The following RALGPS2 variants were observed in gnomAD, a reference collection of about 807,000 sequenced individuals.
RALGPS2 encodes the protein ras-specific guanine nucleotide-releasing factor RalGPS2.
RALGPS2 carries 43 observed loss-of-function variants against 86.8 expected under a neutral mutation model. The observed-to-expected ratio is 0.50, with a 90% CI of 0.39 to 0.64. RALGPS2 has a LOEUF of 0.64. RALGPS2 is among the 30% of genes least tolerant of loss of function. The probability of loss-of-function intolerance (pLI) is 0.00; values close to 1 mark genes in which losing one functional copy is unlikely to be tolerated. For missense variants in RALGPS2, 536 were observed against 694.6 expected (o/e 0.77, Z 2.57); for synonymous variants, 243 against 231.3 (o/e 1.05, Z -0.46).
At chr1:178,765,381 C>G (rs1652452157) in intron 1 of RALGPS2, among the ~76,000 whole-genome samples, 1 of 151,994 alleles carries the variant, frequency 6.6e-6, no homozygotes, top group African/African-American at 2.4e-5. Flanking sequence ...CGTGATGCCC[C>G]CAAAGCCGCA....
intron 8 of RALGPS2, among the ~76,000 whole-genome samples, chr1:178,869,863 A>G (rs1658642048): frequency 6.6e-6 from 1 of 152,048 alleles, no homozygotes; most frequent in Non-Finnish European, 1.5e-5. Context: ...AGTTTTTATA[A>G]TGCATGTAAA....
chr1:178,903,563 C>T (rs528718080), intron 18 of RALGPS2, among the ~76,000 whole-genome samples: 9 of 152,292 alleles, frequency 5.9e-5, no homozygotes, highest in African/African-American at 2.2e-4. Context: ...TTTGCATCCT[C>T]ATAGCTTAGC....
chr1:178,731,277 T>G (rs1361020875), intron 1 of RALGPS2, among the ~76,000 whole-genome samples: 54 of 72,586 alleles, frequency 7.4e-4, no homozygotes, highest in Admixed American at 1.3e-3. Flanking sequence ...TTTTGGTTTT[T>G]TTTTTTTTTT....
chr1:178,851,144 G>A (rs761547359), intron 8 of RALGPS2: 52 of 1,612,986 alleles, frequency 3.2e-5, no homozygotes, highest in Non-Finnish European at 4.3e-5. Context: ...CAATAGGCTT[G>A]ATCATCATCT....
chr1:178,802,890 C>T (rs758732497), intron 4 of RALGPS2, among the ~76,000 whole-genome samples: 5 of 151,900 alleles, frequency 3.3e-5, no homozygotes, highest in Non-Finnish European at 7.4e-5. Context: ...CTTAATTTTT[C>T]GATACTCCAA....
rs2102429772 is a variant in RALGPS2, at chr1:178,917,712, A to G, written c.*1353A>G. On this transcript the variant is annotated 3_prime_UTR_variant, in exon 20 of 20. Coordinates refer to ENST00000367635, the MANE Select transcript of RALGPS2 (RefSeq NM_152663.5). Reference sequence around the variant, plus strand: ...CATTTAATTTCTAAAGTAAATGTTGAATTATTAAAAAAAAAGTTTGAAGGT... The same window carrying G: ...CATTTAATTTCTAAAGTAAATGTTGGATTATTAAAAAAAAAGTTTGAAGGT... The G allele has an allele frequency of 6.6e-6, 1 of 152,298 alleles. No individual in the cohort carries two copies. The highest frequency in any genetic ancestry group is 2.4e-5 in the African/African-American group (1 of 41,588). The allele number at this position is 152,298 out of a possible 1,614,324, so 9.4% of individuals were successfully genotyped here.
intron 1 of RALGPS2, among the ~76,000 whole-genome samples, chr1:178,742,503 AT>A (rs1017539257): frequency 6.6e-6 from 1 of 152,216 alleles, no homozygotes; most frequent in African/African-American, 2.4e-5. Flanking sequence ...CATATCCACA[AT>A]TTGTGTTGGA....
At chr1:178,828,164 A>G (rs867193700) in intron 7 of RALGPS2, among the ~76,000 whole-genome samples, 2 of 152,228 alleles carry the variant, frequency 1.3e-5, no homozygotes, top group Non-Finnish European at 2.9e-5. Flanking sequence ...GAGACAGTCT[A>G]TGGAATGGGA....
At position 178,856,394 on chromosome 1, in the gene RALGPS2, A is replaced by ATTT. The variant is rs71108081; in HGVS notation, c.608-21074_608-21072dup. The stretch of plus-strand genomic sequence containing the variant: ...AGGCAAGTGCCACCCTGCCTGGCTA[A>ATTT]TTTTTTTTTTTTTTTTTTTTTTTTT... On this transcript the variant is annotated intron_variant, in intron 8 of 19. Transcript: ENST00000367635. Among the ~76,000 whole-genome samples the ATTT allele has an allele frequency of 2.7e-3, 98 of 36,424 alleles. 16 individuals are homozygous for ATTT. The highest frequency in any genetic ancestry group is 0.025 in the East Asian group (29 of 1,152). 23.9% of individuals were successfully genotyped at this position (36,424 alleles called of 152,430 possible).
In RALGPS2 at chr1:178,811,499, A is replaced by G. The variant is rs532974004; in HGVS notation, c.387+95A>G. 7.6e-6 allele frequency: 7 copies of G among 921,194 alleles called. No homozygotes were observed. The East Asian group carries it at 1.8e-4, about 24-fold the overall frequency. The allele number at this position is 921,194 out of a possible 1,614,324, so 57.1% of individuals were successfully genotyped here. The stretch of plus-strand genomic sequence containing the variant: ...GTGATGCTTTATTCACTGTTTATTG[A>G]TACTGGAAAAATAAGACTCATTGAT... On this transcript the variant is annotated intron_variant, in intron 6 of 19. Coordinates refer to ENST00000367635, the MANE Select transcript of RALGPS2 (RefSeq NM_152663.5).
In RALGPS2 at chr1:178,852,535, A is replaced by G. The variant is rs1014092741; in HGVS notation, c.607+18985A>G. On this transcript the variant is annotated intron_variant, in intron 8 of 19. Coordinates refer to ENST00000367635, the MANE Select transcript of RALGPS2 (RefSeq NM_152663.5). Reference sequence around the variant, plus strand: ...CCTTATAGAAGAAATCCTAAAAGCTATTTCTTTCAGTAGGTTGGTTGTATT... The same window carrying G: ...CCTTATAGAAGAAATCCTAAAAGCTGTTTCTTTCAGTAGGTTGGTTGTATT... 1.2e-5 allele frequency: 9 copies of G among 732,168 alleles called. No homozygotes were observed. The Admixed American group carries it at 1.8e-4, about 15-fold the overall frequency. The allele number at this position is 732,168 out of a possible 1,614,324, so 45.4% of individuals were successfully genotyped here.
chr1:178,866,057 G>A (rs1183356864), intron 8 of RALGPS2, among the ~76,000 whole-genome samples: 1 of 152,094 alleles, frequency 6.6e-6, no homozygotes, highest in African/African-American at 2.4e-5. Context: ...TTGTTCCCCA[G>A]TTTATTGAGC....
intron 1 of RALGPS2, chr1:178,747,294 C>G (rs1010323906): frequency 3.3e-6 from 5 of 1,524,524 alleles, no homozygotes; most frequent in Non-Finnish European, 4.6e-6. Context: ...GATTGAGGGA[C>G]TCCAAAATCT....
Position 178,881,276 on chromosome 1 carries a change from G to A in RALGPS2, c.837-2190G>A, listed in dbSNP as rs188923967. On this transcript the variant is annotated intron_variant, in intron 10 of 19. Transcript: ENST00000367635. ...AATATGAACAGCTTCAGGAGACAGCGTCATCTGAGGCTGAATCTTAACAGG... is the reference window on the plus strand; with the variant it reads ...AATATGAACAGCTTCAGGAGACAGCATCATCTGAGGCTGAATCTTAACAGG... 1.4e-4 allele frequency among the ~76,000 whole-genome samples: 22 copies of A among 152,250 alleles called. No individual in the cohort carries two copies. In the East Asian group the frequency reaches 3.3e-3, roughly 23 times the overall value.
intron 8 of RALGPS2, among the ~76,000 whole-genome samples, chr1:178,863,941 A>G (rs75939442): frequency 0.04 from 6,064 of 152,238 alleles, 164 homozygotes; most frequent in African/African-American, 0.068. Flanking sequence ...ATTTCATAGT[A>G]TATGTTTTAT....
chr1:178,734,905 G>A (rs1312623420), intron 1 of RALGPS2, among the ~76,000 whole-genome samples: 1 of 152,134 alleles, frequency 6.6e-6, no homozygotes, highest in African/African-American at 2.4e-5. Context: ...TGGTGGGATA[G>A]CAGATCTTTT....
At chr1:178,872,277 T>C (rs1658799775) in intron 8 of RALGPS2, among the ~76,000 whole-genome samples, 1 of 152,232 alleles carries the variant, frequency 6.6e-6, no homozygotes, top group Non-Finnish European at 1.5e-5. Context: ...CAGAATCATT[T>C]ATTTGAATTC....
intron 1 of RALGPS2, among the ~76,000 whole-genome samples, chr1:178,762,185 G>A (rs1652276173): frequency 6.6e-6 from 1 of 152,162 alleles, no homozygotes; most frequent in South Asian, 2.1e-4. Context: ...AGGACATGAT[G>A]TCACTCTTTT....
rs939893259 is a variant in RALGPS2 at position 178,917,916 on chromosome 1, G to A, written c.*1557G>A. 4 of 151,986 alleles carry A rather than the reference G, an allele frequency of 2.6e-5. No homozygotes were observed. Among genetic ancestry groups the A allele is most frequent in the Non-Finnish European group, 4.4e-5 (3 of 67,968 alleles). The allele number at this position is 151,986 out of a possible 1,614,324, so 9.4% of individuals were successfully genotyped here. ...GCCTCACATAAAATTTCTCACATTC[G>A]TATTCTTAGAGAATTTTATACTTTT... On this transcript the variant is annotated 3_prime_UTR_variant, in exon 20 of 20. Transcript: ENST00000367635.
Sources: gnomAD v4.1 joint callset for allele counts (sites outside exome capture counted in the v4.1 genomes callset) on GRCh38, gnomAD v4.1.1 for gene constraint, MANE v1.5 for transcripts, NCBI Gene and HGNC (gene_info 2026-07-23, HGNC 2026-07-21) for gene names.